Variants in ANKRD28 observed in about 807,000 individuals in gnomAD.
ANKRD28 encodes the protein ankyrin repeat domain 28, also known as serine/threonine-protein phosphatase 6 regulatory ankyrin repeat subunit A.
Under a neutral mutation model 126.5 loss-of-function variants are expected in ANKRD28, and 44 were observed. The observed-to-expected ratio is 0.35, with a 90% CI of 0.27 to 0.45. The LOEUF (loss-of-function observed/expected upper bound fraction) is 0.45, where lower values mean the gene tolerates loss of function less well. Ranked by LOEUF, ANKRD28 falls within the 20% of genes least tolerant of loss-of-function variation. The pLI, the probability that ANKRD28 is intolerant of heterozygous loss-of-function variation, is 1.00. For missense variants in ANKRD28, 1,110 were observed against 1,316.6 expected (o/e 0.84, Z 2.43); for synonymous variants, 442 against 468.5 (o/e 0.94, Z 0.73).
Position 15,796,415 on chromosome 3 carries a change from C to G in ANKRD28, c.107G>C (p.Gly36Ala), listed in dbSNP as rs1167074876. The change falls in exon 1 of 28, where the codon GGA becomes GCA. Residue 36 changes from glycine (G) to alanine (A), a missense_variant. Gly to Ala is a moderately conservative substitution (Grantham distance 60). Coordinates refer to ENST00000683139, the MANE Select transcript of ANKRD28 (RefSeq NM_001349278.2). ...ENKSLHSPPS[G>A]NVLPSLVQAI... Reference sequence around the variant, plus strand: ...ACTTACATATCTTACCAATACATTTCCAGAAGGTGGAGAATGTAGGGATTT... The same window carrying G: ...ACTTACATATCTTACCAATACATTTGCAGAAGGTGGAGAATGTAGGGATTT... 1 of 1,286,124 alleles carries G rather than the reference C, an allele frequency of 7.8e-7. No individual in the cohort carries two copies. Among genetic ancestry groups the G allele is most frequent in the Non-Finnish European group, 1.0e-6 (1 of 986,322 alleles). The allele number at this position is 1,286,124 out of a possible 1,614,324, so 79.7% of individuals were successfully genotyped here. A position where few individuals can be genotyped will look rare whatever the true frequency, so the allele number is the denominator to read the frequency against.
intron 1 of ANKRD28, among the ~76,000 whole-genome samples, chr3:15,822,353 G>A (rs532868097): frequency 1.5e-4 from 23 of 152,234 alleles, no homozygotes; most frequent in African/African-American, 4.8e-4. Context: ...AATTATAGCC[G>A]ATTGCCAAGA....
Position 15,678,249 on chromosome 3 carries a change from A to T in ANKRD28, c.2667T>A (p.Pro889=), listed in dbSNP as rs1171674025. The T allele has an allele frequency of 3.1e-6, 5 of 1,612,512 alleles. No homozygotes were observed. The highest frequency in any genetic ancestry group is 4.2e-6 in the Non-Finnish European group (5 of 1,179,584). ...VNSVDSTGKT[P]LMMAAENGQT... ...GTCCATTTTCTGCAGCCATCATAAG[A>T]GGTGTTTTCCCTGTAGAGTCCACAG... Residue 889 remains proline, a synonymous_variant, in exon 24 of 28, where the codon CCT becomes CCA. Coordinates refer to ENST00000683139, the MANE Select transcript of ANKRD28 (RefSeq NM_001349278.2).
chr3:15,721,769 G>A (rs938461144), intron 7 of ANKRD28, among the ~76,000 whole-genome samples: 2 of 151,932 alleles, frequency 1.3e-5, no homozygotes, highest in African/African-American at 4.8e-5. Context: ...TTTTGAGACA[G>A]GGTCTCATTC....
rs780198745 is a variant in ANKRD28, at chr3:15,709,727, C to T, written c.1347G>A (p.Glu449=). 1 of 1,561,494 alleles carries T rather than the reference C, an allele frequency of 6.4e-7. No homozygotes were observed. The highest frequency in any genetic ancestry group is 8.7e-7 in the Non-Finnish European group (1 of 1,152,700). The change falls in exon 13 of 28, where the codon GAG becomes GAA. Residue 449 remains glutamate, a synonymous_variant. Transcript: ENST00000683139. ...CAGTATTCAGCAGAAGGTTTAGGCA[C>T]TCCAAATTCCTATTGAGAGAAAATA... ...LHAAAAGGNL[E]CLNLLLNTGA...
intron 1 of ANKRD28, among the ~76,000 whole-genome samples, chr3:15,841,841 G>C (rs2061429243): frequency 6.6e-6 from 1 of 152,042 alleles, no homozygotes; most frequent in South Asian, 2.1e-4. Context: ...ATGCAAACTA[G>C]TACAACCACT....
chr3:15,772,211 T>C (rs2125609540), intron 2 of ANKRD28, among the ~76,000 whole-genome samples: 1 of 151,958 alleles, frequency 6.6e-6, no homozygotes, highest in Non-Finnish European at 1.5e-5. Context: ...ATGAAAATGA[T>C]AAAGATGAAA....
At chr3:15,739,145 A>G (rs2075262504) in intron 4 of ANKRD28, among the ~76,000 whole-genome samples, 1 of 152,078 alleles carries the variant, frequency 6.6e-6, no homozygotes, top group African/African-American at 2.4e-5. Context: ...AGTTAACTCA[A>G]TCATCACAGG....
intron 1 of ANKRD28, among the ~76,000 whole-genome samples, chr3:15,805,865 G>C (rs2060566038): frequency 6.6e-6 from 1 of 152,126 alleles, no homozygotes; most frequent in Admixed American, 6.5e-5. Context: ...AGTACAGTAA[G>C]ATCAGTATCT....
chr3:15,692,396 G>A (rs2068926678), intron 17 of ANKRD28, among the ~76,000 whole-genome samples: 1 of 152,166 alleles, frequency 6.6e-6, no homozygotes, highest in Non-Finnish European at 1.5e-5. Flanking sequence ...ACTGTAGTGA[G>A]CCGTGATTGT....
chr3:15,692,813 T>C (rs111863329), intron 17 of ANKRD28, among the ~76,000 whole-genome samples: 2,159 of 152,330 alleles, frequency 0.014, 51 homozygotes, highest in African/African-American at 0.048. Flanking sequence ...TTAGTATACC[T>C]ATGGCATAGC....
chr3:15,800,463 G>T (rs997278628), upstream of ANKRD28, among the ~76,000 whole-genome samples: 1 of 152,102 alleles, frequency 6.6e-6, no homozygotes, highest in African/African-American at 2.4e-5. Flanking sequence ...TGGATATTTG[G>T]GATAGCTGAA....
At chr3:15,692,546 C>T (rs571657441) in intron 17 of ANKRD28, among the ~76,000 whole-genome samples, 5 of 152,282 alleles carry the variant, frequency 3.3e-5, no homozygotes, top group Admixed American at 1.3e-4. Flanking sequence ...CCCATGATAT[C>T]CTTGTATGGG....
chr3:15,768,536 T>C (rs1247282656), intron 2 of ANKRD28, among the ~76,000 whole-genome samples: 1 of 152,146 alleles, frequency 6.6e-6, no homozygotes, highest in African/African-American at 2.4e-5. Context: ...GCACCTGTAG[T>C]CCTAGGTACT....
intron 2 of ANKRD28, among the ~76,000 whole-genome samples, chr3:15,772,301 G>A (rs1395538965): frequency 6.6e-6 from 1 of 152,054 alleles, no homozygotes; most frequent in Non-Finnish European, 1.5e-5. Context: ...CTTCAAGTCA[G>A]AATGATCAAA....
Position 15,676,976 on chromosome 3 carries a change from T to G in ANKRD28, c.2871A>C (p.Gln957His). The G allele has an allele frequency of 6.2e-7, 1 of 1,612,398 alleles. No homozygotes were observed. Among genetic ancestry groups the G allele is most frequent in the Non-Finnish European group, 8.5e-7 (1 of 1,178,672 alleles). The change falls in exon 26 of 28, where the codon CAA (glutamine) becomes CAC (histidine). Residue 957 changes from glutamine to histidine, a missense_variant and splice_region_variant. Transcript: ENST00000683139. ...NLINATNAAL[Q>H]TPLHVAARNG... ...TACTAGATACTGACAGTACTCACGT[T>G]TGCAAGGCTGCGTTGGTTGCATTGA...
At chr3:15,786,513 AGCC>A (rs2125738086) in intron 2 of ANKRD28, among the ~76,000 whole-genome samples, 1 of 152,208 alleles carries the variant, frequency 6.6e-6, no homozygotes, top group South Asian at 2.1e-4. Context: ...GTCCTTTGGG[AGCC>A]ATAGAAATGT....
chr3:15,799,556 C>T (rs2060415616), upstream of ANKRD28, among the ~76,000 whole-genome samples: 1 of 151,962 alleles, frequency 6.6e-6, no homozygotes, highest in African/African-American at 2.4e-5. Context: ...TATCCATCTC[C>T]ACATAGCTGA....
At chr3:15,804,547 T>C (rs2060537045) in intron 1 of ANKRD28, among the ~76,000 whole-genome samples, 1 of 145,408 alleles carries the variant, frequency 6.9e-6, no homozygotes, top group African/African-American at 2.6e-5. Flanking sequence ...TTATAATATA[T>C]AATTGTTAAA....
At chr3:15,832,620 CT>C (rs1170653905) in intron 1 of ANKRD28, among the ~76,000 whole-genome samples, 1 of 152,162 alleles carries the variant, frequency 6.6e-6, no homozygotes, top group African/African-American at 2.4e-5. Context: ...CACCTCCCAC[CT>C]TTTGTAGTTT....
Sources: gnomAD v4.1 joint callset for allele counts (sites outside exome capture counted in the v4.1 genomes callset) on GRCh38, gnomAD v4.1.1 for gene constraint, MANE v1.5 for transcripts, NCBI Gene and HGNC (gene_info 2026-07-23, HGNC 2026-07-21) for gene names.